SCN1A: variants seen among roughly 807,000 people sequenced by gnomAD.
SCN1A encodes the protein sodium channel protein type 1 subunit alpha.
In SCN1A, 13 loss-of-function variants were observed where a neutral mutation model predicts 193.7. The observed-to-expected ratio is 0.07, with a 90% CI of 0.04 to 0.11. The LOEUF is 0.11. Among genes scored for constraint, SCN1A ranks in the 10% least tolerant of loss-of-function variants. The probability of loss-of-function intolerance (pLI) is 1.00; values close to 1 mark genes in which losing one functional copy is unlikely to be tolerated. For missense variants in SCN1A, 1,432 were observed against 2,451.1 expected, an observed-to-expected ratio of 0.58 and a Z score of 8.78; for synonymous variants, 781 against 843.6, an observed-to-expected ratio of 0.93 and a Z score of 1.29.
chr2:166,083,945 G>A (rs763147318), intron 2 of SCN1A, among the ~76,000 whole-genome samples: 1 of 152,124 alleles, frequency 6.6e-6, no homozygotes, highest in Admixed American at 6.5e-5. Flanking sequence ...GATTTGGGAG[G>A]ATGTAGAGAG....
Position 165,994,224 on chromosome 2 carries a change from G to A in SCN1A, c.4774C>T (p.Leu1592Phe). The change falls in exon 28 of 29, where the codon CTC becomes TTC. Residue 1592 changes from leucine to phenylalanine, a missense_variant. Leu to Phe is a conservative substitution (Grantham distance 22, BLOSUM62 0). Transcript: ENST00000674923. ...VLFTGECVLKLISLRHYYFTI... is the reference protein window; with the variant it reads ...VLFTGECVLKFISLRHYYFTI... ...AAATAATAATGGCGTAGAGAGATGA[G>A]TTTCAGTACACACTCTCCAGTAAAT... is the stretch of plus-strand genomic sequence containing the variant. The A allele has an allele frequency of 1.9e-6, 3 of 1,612,836 alleles. No homozygotes were observed. Among genetic ancestry groups the A allele is most frequent in the South Asian group, 2.2e-5 (2 of 91,030 alleles).
chr2:166,128,376 G>A (rs1691477309), upstream of SCN1A, among the ~76,000 whole-genome samples: 1 of 151,982 alleles, frequency 6.6e-6, no homozygotes, highest in Non-Finnish European at 1.5e-5. Context: ...ATGAATCATT[G>A]TTATCTATAA....
intron 25 of SCN1A, among the ~76,000 whole-genome samples, chr2:165,999,267 G>A (rs960078226): frequency 1.3e-5 from 2 of 151,370 alleles, no homozygotes; most frequent in African/African-American, 2.4e-5. Context: ...GTTTAAAATA[G>A]GATTATTTGA....
At chr2:166,089,184 C>T (rs1199283900) in intron 2 of SCN1A, among the ~76,000 whole-genome samples, 1 of 151,920 alleles carries the variant, frequency 6.6e-6, no homozygotes, top group African/African-American at 2.4e-5. Flanking sequence ...CTCGATAGGC[C>T]CCAGTGTGTG....
At chr2:166,017,509 A>G (rs1024748883) in intron 19 of SCN1A, among the ~76,000 whole-genome samples, 1 of 152,054 alleles carries the variant, frequency 6.6e-6, no homozygotes, top group Non-Finnish European at 1.5e-5. Context: ...ATTTGGCCGT[A>G]AAGTGATAGG....
intron 2 of SCN1A, among the ~76,000 whole-genome samples, chr2:166,112,181 T>C (rs907768430): frequency 1.3e-5 from 2 of 152,058 alleles, no homozygotes; most frequent in Non-Finnish European, 2.9e-5. Flanking sequence ...GAAAGGAAGA[T>C]CAATCAACGT....
chr2:166,016,706 T>C (rs541890928), intron 19 of SCN1A: 104 of 152,092 alleles, frequency 6.8e-4, no homozygotes, highest in African/African-American at 2.4e-3. Context: ...ACACCAACAA[T>C]ATGCTACCAG....
At position 166,100,430 on chromosome 2, in the gene SCN1A, T is replaced by C. The variant is rs1179247457; in HGVS notation, c.-141-22629A>G. 2.8e-3 allele frequency among the ~76,000 whole-genome samples: 419 copies of C among 151,236 alleles called. 3 individuals carry two copies. Among genetic ancestry groups the C allele is most frequent in the African/African-American group, 9.9e-3 (407 of 41,166 alleles). On this transcript the variant is annotated intron_variant, in intron 2 of 28. Coordinates refer to ENST00000674923, the MANE Select transcript of SCN1A (RefSeq NM_001165963.4). ...AAACCCTAGAAGAAAACCTAGGCAT[T>C]ACCATTCAGGACATAGGCATGGGCA...
intron 19 of SCN1A, among the ~76,000 whole-genome samples, 163 bp downstream of exon 19, chr2:166,035,885 T>A (rs1216219437): frequency 6.6e-6 from 1 of 152,048 alleles, no homozygotes. Context: ...ATTCAAAATT[T>A]AGAGCATGGT....
At chr2:166,130,299 A>G (rs1217469013), upstream of SCN1A, among the ~76,000 whole-genome samples, 1 of 152,322 alleles carries the variant, frequency 6.6e-6, no homozygotes, top group East Asian at 1.9e-4. Context: ...TGCACCTGAT[A>G]TATGCCAGGC....
At chr2:166,145,653 A>G (rs979727022) in intron 1 of SCN1A, among the ~76,000 whole-genome samples, 6 of 152,104 alleles carry the variant, frequency 3.9e-5, no homozygotes, top group Non-Finnish European at 7.4e-5. Context: ...AATTCATGGG[A>G]AGGTATAATT....
At chr2:166,045,015 T>C (rs527431380) in intron 13 of SCN1A, 28 bp downstream of exon 13, 17 of 1,612,330 alleles carry the variant, frequency 1.1e-5, no homozygotes, top group Non-Finnish European at 1.4e-5. Flanking sequence ...TTTTCAACCA[T>C]GCATCAGTAA....
chr2:166,038,278 A>C, intron 17 of SCN1A, 146 bp from the exon 18 acceptor site: 1 of 644,906 alleles, frequency 1.6e-6, no homozygotes. Flanking sequence ...TAATTTTTGG[A>C]CTCCCTAGGA....
upstream of SCN1A, among the ~76,000 whole-genome samples, chr2:166,128,624 A>G (rs571223236): frequency 2.0e-5 from 3 of 152,298 alleles, no homozygotes; most frequent in African/African-American, 7.2e-5. Context: ...CATTCTTACT[A>G]TCTTCATCTG....
At chr2:166,106,952 A>G (rs1227424256) in intron 2 of SCN1A, among the ~76,000 whole-genome samples, 1 of 152,172 alleles carries the variant, frequency 6.6e-6, no homozygotes, top group Non-Finnish European at 1.5e-5. Flanking sequence ...CTAAGAGGCA[A>G]TACACTGGTA....
intron 2 of SCN1A, among the ~76,000 whole-genome samples, chr2:166,102,652 T>C (rs1688234379): frequency 6.6e-6 from 1 of 152,100 alleles, no homozygotes; most frequent in Admixed American, 6.6e-5. Context: ...TTTCTCAGAA[T>C]AAATGAAAAC....
intron 2 of SCN1A, among the ~76,000 whole-genome samples, chr2:166,123,223 C>CAAAAAAAAAAAAAAAAAAAAAAAAAAAA (rs57488795): frequency 2.6e-5 from 3 of 116,416 alleles, no homozygotes; most frequent in African/African-American, 3.5e-5. Context: ...CATTCATTTG[C>CAAAAAAAAAAAAAAAAAAAAAAAAAAAA]AAAAAAAAAA....
At chr2:166,076,861 CCTT>C (rs1685037890) in intron 3 of SCN1A, among the ~76,000 whole-genome samples, 1 of 150,422 alleles carries the variant, frequency 6.6e-6, no homozygotes, top group East Asian at 1.9e-4. Flanking sequence ...TGAACCTAGA[CCTT>C]ATGCCTTTCA....
chr2:166,020,094 T>A (rs1693829955), intron 19 of SCN1A, among the ~76,000 whole-genome samples: 1 of 151,938 alleles, frequency 6.6e-6, no homozygotes, highest in Non-Finnish European at 1.5e-5. Context: ...GTATTTTTAG[T>A]AGAGACAGGG....
Sources: allele counts gnomAD v4.1 joint callset (sites outside exome capture counted in the v4.1 genomes callset), GRCh38; gene constraint gnomAD v4.1.1; transcripts MANE v1.5; gene names NCBI Gene and HGNC (gene_info 2026-07-23, HGNC 2026-07-21).